F13A1: variants seen among roughly 807,000 people sequenced by gnomAD.
The protein encoded by F13A1 is FSF, A subunit.
Under a neutral mutation model 80.1 loss-of-function variants are expected in F13A1, and 47 were observed. That is an observed-to-expected ratio of 0.59 (90% CI 0.46 to 0.75). F13A1 has a LOEUF of 0.75. Among genes scored for constraint, F13A1 ranks in the 30% least tolerant of loss-of-function variants. The probability of loss-of-function intolerance (pLI) is 0.00; values close to 1 mark genes in which losing one functional copy is unlikely to be tolerated. For synonymous variants in F13A1, 349 were observed against 344.9 expected (o/e 1.01, Z -0.13); for missense variants, 817 against 930.4 (o/e 0.88, Z 1.59).
chr6:6,233,671 T>C (rs537114069), intron 6 of F13A1, among the ~76,000 whole-genome samples: 10 of 152,198 alleles, frequency 6.6e-5, no homozygotes, highest in Middle Eastern at 3.4e-3. Context: ...ACCAATATCC[T>C]TGATGAACAC....
At chr6:6,222,532 T>C (rs1480139976) in intron 7 of F13A1, among the ~76,000 whole-genome samples, 1 of 152,230 alleles carries the variant, frequency 6.6e-6, no homozygotes, top group African/African-American at 2.4e-5. Context: ...AACCCACTAA[T>C]AGGAAGTTAG....
chr6:6,151,910 T>C lies in F13A1; in HGVS notation c.1948A>G (p.Thr650Ala). The C allele has an allele frequency of 6.2e-7, 1 of 1,614,052 alleles. No individual in the cohort carries two copies. The highest frequency in any genetic ancestry group is 1.7e-5 in the Admixed American group (1 of 60,004). ...TTTAAAGGATTGGTAAACTCAACTG[T>C]CACAGTCATGTCAGAACCAACTACC... ...TQVVGSDMTV[T>A]VEFTNPLKET... The change falls in exon 14 of 15, where the codon ACA becomes GCA. Residue 650 changes from threonine to alanine, a missense_variant. Physicochemically the swap from Thr to Ala is moderately conservative, Grantham distance 58. Coordinates refer to ENST00000264870, the MANE Select transcript of F13A1 (RefSeq NM_000129.4).
At chr6:6,218,843 G>A (rs1222727342) in intron 8 of F13A1, among the ~76,000 whole-genome samples, 1 of 152,180 alleles carries the variant, frequency 6.6e-6, no homozygotes, top group East Asian at 1.9e-4. Flanking sequence ...TGGCTCTGGA[G>A]TGTGGCGAGC....
rs144193088 is a variant in F13A1, at chr6:6,219,376, C to A, written c.1112+2657G>T. Among the ~76,000 whole-genome samples the A allele has an allele frequency of 2.8e-3, 424 of 152,174 alleles. 4 individuals carry two copies. Among genetic ancestry groups the A allele is most frequent in the African/African-American group, 9.8e-3 (408 of 41,518 alleles). The stretch of plus-strand genomic sequence containing the variant: ...CAGCCCTATGCTCAGGCAGCCCCTG[C>A]TTCTTACCAGTGACCAATAATAATT... On this transcript the variant is annotated intron_variant, in intron 8 of 14. Coordinates refer to ENST00000264870, the MANE Select transcript of F13A1 (RefSeq NM_000129.4).
At chr6:6,150,857 G>C (rs904641703) in intron 14 of F13A1, among the ~76,000 whole-genome samples, 1 of 152,342 alleles carries the variant, frequency 6.6e-6, no homozygotes. Flanking sequence ...GGGAGAGAGA[G>C]AGAGAGAGCT....
intron 4 of F13A1, among the ~76,000 whole-genome samples, chr6:6,263,131 C>T (rs1757799655): frequency 6.6e-6 from 1 of 152,218 alleles, no homozygotes; most frequent in African/African-American, 2.4e-5. Context: ...CACCCACTCT[C>T]TCTTGTCTTT....
At chr6:6,197,421 T>C in intron 8 of F13A1, 95 bp from the exon 9 acceptor site, 2 of 1,213,046 alleles carry the variant, frequency 1.6e-6, no homozygotes, top group South Asian at 1.3e-5. Context: ...GGCTCATGCC[T>C]GTAATCCCAG....
chr6:6,161,426 C>T (rs979523951), intron 13 of F13A1, among the ~76,000 whole-genome samples: 1 of 152,038 alleles, frequency 6.6e-6, no homozygotes, highest in Admixed American at 6.6e-5. Context: ...GTCAATCCCC[C>T]CAGTGCAGTG....
rs200494737 is a variant in F13A1 at position 6,316,077 on chromosome 6, G to GCA, written c.130+2456_130+2457dup. Among the ~76,000 whole-genome samples the GCA allele has an allele frequency of 6.7e-3, 331 of 49,616 alleles. 28 individuals carry two copies. Among genetic ancestry groups the GCA allele is most frequent in the African/African-American group, 0.015 (213 of 14,436 alleles). 32.6% of individuals were successfully genotyped at this position (49,616 alleles called of 152,430 possible). A position where few individuals can be genotyped will look rare whatever the true frequency, so the allele number is the denominator to read the frequency against. ...GGTTTGTGTGCTGCTATGTGTGTGT[G>GCA]CATATATATATATATATATATATAT... On this transcript the variant is annotated intron_variant, in intron 2 of 14. Transcript: ENST00000264870.
At chr6:6,225,566 G>A (rs1757265454) in intron 6 of F13A1, among the ~76,000 whole-genome samples, 1 of 151,976 alleles carries the variant, frequency 6.6e-6, no homozygotes, top group South Asian at 2.1e-4. Context: ...GGAATGCAGT[G>A]GCACGATCAT....
Position 6,250,766 on chromosome 6 carries a change from T to A in F13A1, c.690+45A>T. The A allele has an allele frequency of 7.8e-7, 1 of 1,281,270 alleles. No individual in the cohort carries two copies. The allele number at this position is 1,281,270 out of a possible 1,614,324, so 79.4% of individuals were successfully genotyped here. A position where few individuals can be genotyped will look rare whatever the true frequency, so the allele number is the denominator to read the frequency against. On this transcript the variant is annotated intron_variant, in intron 5 of 14. Transcript: ENST00000264870. The surrounding 1 kb of genome is among the most constrained non-coding windows in gnomAD (Gnocchi z 4.2). Reference sequence around the variant, plus strand: ...GTAGGGATACATGTGACAAAAAATATGAAGTAAAAATGTCCTTGACAATAA... The same window carrying A: ...GTAGGGATACATGTGACAAAAAATAAGAAGTAAAAATGTCCTTGACAATAA...
intron 2 of F13A1, among the ~76,000 whole-genome samples, chr6:6,306,429 T>G (rs1583123748): frequency 6.6e-6 from 1 of 152,242 alleles, no homozygotes; most frequent in East Asian, 1.9e-4. Context: ...GTTCCACTTC[T>G]TACAGGAATG....
At chr6:6,231,659 C>G (rs1394664594) in intron 6 of F13A1, among the ~76,000 whole-genome samples, 8 of 152,154 alleles carry the variant, frequency 5.3e-5, no homozygotes, top group Admixed American at 5.2e-4. Context: ...AGAAAAGAAT[C>G]TTAAGAGCTG....
chr6:6,183,420 C>A (rs1761023100), intron 10 of F13A1, among the ~76,000 whole-genome samples: 1 of 152,156 alleles, frequency 6.6e-6, no homozygotes, highest in African/African-American at 2.4e-5. Context: ...TAATGATGAA[C>A]AAAATAGATT....
chr6:6,187,916 A>G (rs1236748977), intron 10 of F13A1, among the ~76,000 whole-genome samples: 2 of 146,800 alleles, frequency 1.4e-5, no homozygotes, highest in Non-Finnish European at 3.0e-5. Context: ...TTATTGGTCT[A>G]TTCAGAGATT....
At chr6:6,291,238 C>G (rs1758220758) in intron 3 of F13A1, among the ~76,000 whole-genome samples, 1 of 152,114 alleles carries the variant, frequency 6.6e-6, no homozygotes, top group African/African-American at 2.4e-5. Flanking sequence ...CCTTCCTACT[C>G]AGCCCCTCAC....
chr6:6,225,137 G>T (rs1050022246), intron 6 of F13A1, among the ~76,000 whole-genome samples: 1 of 152,176 alleles, frequency 6.6e-6, no homozygotes. Flanking sequence ...GACACCTACC[G>T]GATTGGAAGA....
intron 3 of F13A1, among the ~76,000 whole-genome samples, chr6:6,277,393 A>C (rs1758002950): frequency 6.6e-6 from 1 of 152,104 alleles, no homozygotes; most frequent in South Asian, 2.1e-4. Flanking sequence ...TGGCAATAAA[A>C]TATATAATTA....
At chr6:6,293,824 AG>A (rs1758272908) in intron 3 of F13A1, among the ~76,000 whole-genome samples, 1 of 67,458 alleles carries the variant, frequency 1.5e-5, no homozygotes. Flanking sequence ...GGAGGGAGGG[AG>A]AGAAGGAAAT....
Sources: gnomAD v4.1 joint callset for allele counts (sites outside exome capture counted in the v4.1 genomes callset) on GRCh38, gnomAD v4.1.1 for gene constraint, Gnocchi (gnomAD v3.1) non-coding constraint, MANE v1.5 for transcripts, NCBI Gene and HGNC (gene_info 2026-07-23, HGNC 2026-07-21) for gene names.